Variants in COP1 observed in about 807,000 individuals in gnomAD.
COP1 encodes COP1 E3 ubiquitin ligase.
In COP1, 24 loss-of-function variants were observed where a neutral mutation model predicts 101.3. That is an observed-to-expected ratio of 0.24 (90% CI 0.17 to 0.33). The LOEUF is 0.33. Ranked by LOEUF, COP1 falls within the 10% of genes least tolerant of loss-of-function variation. The pLI is 1.00. For synonymous variants in COP1, 347 were observed against 341.9 expected (o/e 1.01, Z -0.17); for missense variants, 663 against 906.2 (o/e 0.73, Z 3.45).
At chr1:176,031,647 G>A (rs1167471722) in intron 14 of COP1, among the ~76,000 whole-genome samples, 1 of 152,002 alleles carries the variant, frequency 6.6e-6, no homozygotes, top group Non-Finnish European at 1.5e-5. Flanking sequence ...GTAACCATTA[G>A]GAAAATCATA....
At chr1:176,190,592 T>C (rs1699013184) in intron 1 of COP1, among the ~76,000 whole-genome samples, 1 of 151,776 alleles carries the variant, frequency 6.6e-6, no homozygotes. Flanking sequence ...ATATCTAATA[T>C]GCATTTATAA....
chr1:176,080,512 T>A (rs1376920436), intron 11 of COP1, among the ~76,000 whole-genome samples: 2 of 152,162 alleles, frequency 1.3e-5, no homozygotes, highest in African/African-American at 4.8e-5. Context: ...ACTGATAATC[T>A]TCTAAGCTAG....
chr1:176,082,051 C>T (rs1323851584), intron 10 of COP1, among the ~76,000 whole-genome samples: 4 of 152,092 alleles, frequency 2.6e-5, no homozygotes, highest in South Asian at 2.1e-4. Flanking sequence ...TATCAGTTTA[C>T]GAAGTACCTG....
chr1:176,166,800 G>A (rs1001361803), intron 3 of COP1, among the ~76,000 whole-genome samples: 1 of 152,068 alleles, frequency 6.6e-6, no homozygotes, highest in Non-Finnish European at 1.5e-5. Context: ...TCCCAGGTGT[G>A]GTGGTACATG....
rs558714551 is a variant in COP1 at position 175,967,564 on chromosome 1, T to C, written c.2133+19379A>G. Among the ~76,000 whole-genome samples, 242 of 152,004 alleles carry C rather than the reference T, an allele frequency of 1.6e-3. 1 individual carries two copies. Among genetic ancestry groups the C allele is most frequent in the Non-Finnish European group, 3.1e-3 (208 of 67,970 alleles). On this transcript the variant is annotated intron_variant, in intron 18 of 19. Coordinates refer to ENST00000367669, the MANE Select transcript of COP1 (RefSeq NM_022457.7). ...TGTAAGTTGTAGAAGTTAGGGGAGG[T>C]AGGTGGGAGCAACCTCTCCCCACAA...
intron 2 of COP1, among the ~76,000 whole-genome samples, chr1:176,178,931 T>C (rs188918715): frequency 6.6e-6 from 1 of 151,508 alleles, no homozygotes; most frequent in Non-Finnish European, 1.5e-5. Flanking sequence ...TCCTAGCACT[T>C]TGGCAGGCCA....
Position 176,027,487 on chromosome 1 carries a change from A to T in COP1, c.1729+85T>A, listed in dbSNP as rs1022365057. 9.9e-6 allele frequency: 8 copies of T among 809,774 alleles called. No individual in the cohort carries two copies. In the African/African-American group the frequency reaches 1.2e-4, roughly 12 times the overall value. 50.2% of individuals were successfully genotyped at this position (809,774 alleles called of 1,614,324 possible). Reference sequence around the variant, plus strand: ...AAAACAACATTTAAACCTACAAAAGAGTTATTTGTTTTAAAATGCTCTCCT... The same window carrying T: ...AAAACAACATTTAAACCTACAAAAGTGTTATTTGTTTTAAAATGCTCTCCT... On this transcript the variant is annotated intron_variant, in intron 15 of 19. Transcript: ENST00000367669.
Position 176,147,269 on chromosome 1 carries a change from C to T in COP1, c.831+1737G>A, listed in dbSNP as rs76961681. Among the ~76,000 whole-genome samples the T allele has an allele frequency of 1.5e-3, 222 of 152,242 alleles. 1 individual carries two copies. The East Asian group carries it at 0.02, about 14-fold the overall frequency. On this transcript the variant is annotated intron_variant, in intron 6 of 19. Transcript: ENST00000367669. ...AACCACTCACTTCAATCTGTCTGCA[C>T]TAAAACATATTTTCTAGACTAAAGC... is the stretch of plus-strand genomic sequence containing the variant.
intron 11 of COP1, among the ~76,000 whole-genome samples, chr1:176,071,912 T>C (rs998631): frequency 0.94 from 143,081 of 152,276 alleles, 67,667 homozygotes; most frequent in East Asian, 1. Context: ...AAGCCTCTAA[T>C]AAAGGCAAGG....
intron 1 of COP1, among the ~76,000 whole-genome samples, chr1:176,200,296 T>G (rs1700132268): frequency 6.6e-6 from 1 of 152,240 alleles, no homozygotes; most frequent in South Asian, 2.1e-4. Flanking sequence ...CCATCTTCAC[T>G]TGAGTGGACT....
chr1:176,085,985 CA>C (rs1374303076), intron 9 of COP1, 95 bp from the exon 10 acceptor site: 3 of 584,762 alleles, frequency 5.1e-6, no homozygotes, highest in Non-Finnish European at 9.2e-6. Context: ...CTCAGAAGTT[CA>C]TCACAGTAAA....
rs1422925337 is a variant in COP1, at chr1:176,206,522, G to C, written c.407+50C>G. The C allele has an allele frequency of 2.6e-6, 4 of 1,567,854 alleles. No homozygotes were observed. In the African/African-American group the frequency reaches 5.5e-5, roughly 21 times the overall value. On this transcript the variant is annotated intron_variant, in intron 1 of 19. Transcript: ENST00000367669. The stretch of plus-strand genomic sequence containing the variant: ...AGACCCCCCGCCCCCAAGCCTAAGC[G>C]GCAGAAACTCATAATTTAGGGACAA...
At chr1:176,201,420 T>C (rs1700245272) in intron 1 of COP1, among the ~76,000 whole-genome samples, 1 of 152,042 alleles carries the variant, frequency 6.6e-6, no homozygotes, top group Admixed American at 6.6e-5. Context: ...AACATACACA[T>C]ACAAGAAGGA....
chr1:176,176,363 C>T (rs573262806), intron 2 of COP1, among the ~76,000 whole-genome samples: 107 of 152,106 alleles, frequency 7.0e-4, no homozygotes, highest in African/African-American at 2.1e-3. Flanking sequence ...TATTGGCCTG[C>T]GAATACCCTT....
chr1:176,165,014 T>C (rs192756117), intron 3 of COP1, among the ~76,000 whole-genome samples: 120 of 152,272 alleles, frequency 7.9e-4, no homozygotes, highest in Non-Finnish European at 1.5e-3. Flanking sequence ...CCCAACTGTC[T>C]GATACTTCCC....
intron 3 of COP1, among the ~76,000 whole-genome samples, chr1:176,165,380 GT>G (rs1572630747): frequency 2.0e-5 from 3 of 147,516 alleles, no homozygotes; most frequent in East Asian, 4.0e-4. Flanking sequence ...GTGTGTGTGT[GT>G]GTGTGTGTGT....
At chr1:176,086,270 G>C (rs1680142366) in intron 9 of COP1, among the ~76,000 whole-genome samples, 1 of 140,018 alleles carries the variant, frequency 7.1e-6, no homozygotes, top group African/African-American at 2.7e-5. Context: ...CTGTCGCCCA[G>C]GCTGGAGTGC....
chr1:176,009,542 C>A (rs183142683), intron 15 of COP1, among the ~76,000 whole-genome samples: 1 of 151,952 alleles, frequency 6.6e-6, no homozygotes, highest in African/African-American at 2.4e-5. Context: ...GCGTACTGCA[C>A]GAAGGTTTTT....
At chr1:175,950,214 T>TAAAAAAA (rs55821760) in intron 18 of COP1, among the ~76,000 whole-genome samples, 1 of 144,994 alleles carries the variant, frequency 6.9e-6, no homozygotes, top group African/African-American at 2.5e-5. Context: ...CTTTATGTGT[T>TAAAAAAA]AAAAAAAAAA....
Sources: gnomAD v4.1 joint callset for allele counts (sites outside exome capture counted in the v4.1 genomes callset) on GRCh38, gnomAD v4.1.1 for gene constraint, MANE v1.5 for transcripts, NCBI Gene and HGNC (gene_info 2026-07-23, HGNC 2026-07-21) for gene names.